The following GALNT17 variants were observed in gnomAD, a reference collection of about 807,000 sequenced individuals.
GALNT17 encodes polypeptide N-acetylgalactosaminyltransferase 17.
In GALNT17, 29 loss-of-function variants were observed where a neutral mutation model predicts 63.7. The observed-to-expected ratio is 0.46, with a 90% confidence interval of 0.34 to 0.62. The LOEUF (loss-of-function observed/expected upper bound fraction) is 0.62, where lower values mean the gene tolerates loss of function less well. GALNT17 is among the 20% of genes least tolerant of loss of function. The pLI is 0.01. For missense variants in GALNT17, 603 were observed against 799.6 expected (o/e 0.75, Z 2.97); for synonymous variants, 305 against 318.3 (o/e 0.96, Z 0.45).
intron 1 of GALNT17, among the ~76,000 whole-genome samples, chr7:71,290,432 T>C (rs1158302868): frequency 6.6e-6 from 1 of 152,154 alleles, no homozygotes; most frequent in Non-Finnish European, 1.5e-5. Flanking sequence ...TAAAAATACA[T>C]GCAGAAGGTC....
chr7:71,413,483 G>A (rs111844643), intron 3 of GALNT17, among the ~76,000 whole-genome samples: 6,922 of 151,486 alleles, frequency 0.046, 569 homozygotes, highest in African/African-American at 0.16. Context: ...CTCCTGCCTC[G>A]GCCTCCCGAG....
intron 5 of GALNT17, among the ~76,000 whole-genome samples, chr7:71,519,662 C>T (rs1788498390): frequency 6.6e-6 from 1 of 152,100 alleles, no homozygotes; most frequent in African/African-American, 2.4e-5. Flanking sequence ...TGAGATTTTA[C>T]CGTATTGGCC....
chr7:71,184,993 TTCC>T (rs1788816239), intron 1 of GALNT17, among the ~76,000 whole-genome samples: 1 of 126,218 alleles, frequency 7.9e-6, no homozygotes, highest in African/African-American at 3.4e-5. Context: ...CCTTCCTTCC[TTCC>T]TTCTTCCTTC....
At chr7:71,504,393 AAATAAATAAATAAAT>A (rs1397223744) in intron 5 of GALNT17, among the ~76,000 whole-genome samples, 5 of 134,926 alleles carry the variant, frequency 3.7e-5, no homozygotes, top group Admixed American at 3.0e-4. Context: ...CCGTCTCAAT[AAATAAATAAATAAAT>A]AAATAAATAA....
chr7:71,343,991 A>G (rs367922816), intron 2 of GALNT17, among the ~76,000 whole-genome samples: 1 of 151,982 alleles, frequency 6.6e-6, no homozygotes, highest in Non-Finnish European at 1.5e-5. Flanking sequence ...AAAGTCTCCA[A>G]TCTGCCAGGC....
At chr7:71,169,002 T>C (rs141251653) in intron 1 of GALNT17, among the ~76,000 whole-genome samples, 10 of 152,138 alleles carry the variant, frequency 6.6e-5, no homozygotes, top group Admixed American at 2.0e-4. Flanking sequence ...CCTGTGAGAG[T>C]CCAGGCACTG....
intron 5 of GALNT17, among the ~76,000 whole-genome samples, chr7:71,560,851 C>T (rs1431072350): frequency 6.6e-6 from 1 of 152,128 alleles, no homozygotes; most frequent in Non-Finnish European, 1.5e-5. Flanking sequence ...TGCCTGTTTG[C>T]TTACAATACT....
intron 1 of GALNT17, among the ~76,000 whole-genome samples, chr7:71,168,084 A>G (rs1788475662): frequency 1.3e-5 from 2 of 152,198 alleles, no homozygotes; most frequent in South Asian, 2.1e-4. Flanking sequence ...ATAGATATCC[A>G]GTTGTTCCAG....
rs982483067 is a variant in GALNT17, at chr7:71,563,122, G to T, written c.963-8163G>T. On this transcript the variant is annotated intron_variant, in intron 5 of 10. Coordinates refer to ENST00000333538, the MANE Select transcript of GALNT17 (RefSeq NM_022479.3). ...CAATAAGTGATTATTTTTAATTTCT[G>T]TTCTTCTCTTCTGTAATGGAGCTAT... 2.6e-5 allele frequency among the ~76,000 whole-genome samples: 4 copies of T among 152,140 alleles called. No individual in the cohort carries two copies. The East Asian group carries it at 7.7e-4, about 29-fold the overall frequency.
chr7:71,304,366 A>G (rs948062579), intron 1 of GALNT17, among the ~76,000 whole-genome samples: 4 of 152,358 alleles, frequency 2.6e-5, no homozygotes, highest in East Asian at 1.9e-4. Flanking sequence ...AACTGAAGGC[A>G]TGGAGTGGGT....
At chr7:71,614,089 T>C (rs1465604552) in intron 6 of GALNT17, among the ~76,000 whole-genome samples, 2 of 152,202 alleles carry the variant, frequency 1.3e-5, no homozygotes, top group Non-Finnish European at 2.9e-5. Flanking sequence ...TAAAACTGTT[T>C]AGACTTGTCA....
intron 1 of GALNT17, among the ~76,000 whole-genome samples, chr7:71,276,344 AT>A (rs1790681249): frequency 6.6e-6 from 1 of 152,222 alleles, no homozygotes; most frequent in East Asian, 1.9e-4. Context: ...AAATCATTCT[AT>A]TTAAAAGATA....
chr7:71,309,480 C>T (rs773694189), intron 1 of GALNT17, among the ~76,000 whole-genome samples: 2 of 152,118 alleles, frequency 1.3e-5, no homozygotes, highest in Non-Finnish European at 2.9e-5. Flanking sequence ...CCTGCCGAGA[C>T]CAAGGAGAGA....
At chr7:71,205,734 G>A (rs1462571911) in intron 1 of GALNT17, among the ~76,000 whole-genome samples, 1 of 152,174 alleles carries the variant, frequency 6.6e-6, no homozygotes, top group Admixed American at 6.5e-5. Context: ...GCTGAATTCA[G>A]TAGAGTTTCA....
At chr7:71,186,749 C>T (rs1452363602) in intron 1 of GALNT17, among the ~76,000 whole-genome samples, 1 of 152,172 alleles carries the variant, frequency 6.6e-6, no homozygotes, top group Non-Finnish European at 1.5e-5. Flanking sequence ...AGTACCAAAA[C>T]GAAAGCGAGA....
intron 6 of GALNT17, among the ~76,000 whole-genome samples, chr7:71,655,816 A>G (rs1230495957): frequency 6.6e-6 from 1 of 152,182 alleles, no homozygotes; most frequent in Non-Finnish European, 1.5e-5. Flanking sequence ...CAGCATTCTT[A>G]GAAGCATCAG....
intron 1 of GALNT17, among the ~76,000 whole-genome samples, chr7:71,134,166 C>T (rs1469777206): frequency 6.6e-6 from 1 of 152,142 alleles, no homozygotes; most frequent in Non-Finnish European, 1.5e-5. Flanking sequence ...TAACTGCGCC[C>T]CAAACCTCTG....
chr7:71,193,587 G>T (rs1788992905), intron 1 of GALNT17, among the ~76,000 whole-genome samples: 1 of 151,200 alleles, frequency 6.6e-6, no homozygotes, highest in Non-Finnish European at 1.5e-5. Context: ...CTCCTTCAGA[G>T]CCTGGAGACA....
chr7:71,412,725 T>C (rs1201480680), intron 3 of GALNT17, among the ~76,000 whole-genome samples: 1 of 152,190 alleles, frequency 6.6e-6, no homozygotes, highest in African/African-American at 2.4e-5. Context: ...TGTTCTTCTC[T>C]TCTCTTCTTT....
Sources: allele counts gnomAD v4.1 joint callset (sites outside exome capture counted in the v4.1 genomes callset), GRCh38; gene constraint gnomAD v4.1.1; transcripts MANE v1.5; gene names NCBI Gene and HGNC (gene_info 2026-07-23, HGNC 2026-07-21).